The following SORT1 variants were observed in gnomAD, a reference collection of about 807,000 sequenced individuals.
SORT1 encodes the protein sortilin.
A neutral mutation model predicts 101.7 loss-of-function variants in SORT1; 39 were observed. The ratio of observed to expected loss-of-function variants is 0.38; its 90% CI spans 0.30 to 0.50. SORT1 has a LOEUF of 0.50. Among genes scored for constraint, SORT1 ranks in the 20% least tolerant of loss-of-function variants. SORT1 has a pLI of 0.90. For missense variants in SORT1, 878 were observed against 1,040.4 expected (o/e 0.84, Z 2.15); for synonymous variants, 396 against 393.7 (o/e 1.01, Z -0.07).
chr1:109,396,943 A>C (rs1653210497), intron 1 of SORT1, among the ~76,000 whole-genome samples: 1 of 152,240 alleles, frequency 6.6e-6, no homozygotes, highest in African/African-American at 2.4e-5. Flanking sequence ...CTTTTGACCA[A>C]GAGCTGGCTC....
intron 11 of SORT1, among the ~76,000 whole-genome samples, chr1:109,331,917 T>C (rs905344584): frequency 2.7e-5 from 4 of 146,648 alleles, no homozygotes; most frequent in African/African-American, 7.6e-5. Flanking sequence ...GAAAATTTCA[T>C]CTACAATAGT....
At position 109,374,554 on chromosome 1, in the gene SORT1, G is replaced by C. The variant is rs1481241352; in HGVS notation, c.307-4965C>G. Among the ~76,000 whole-genome samples the C allele has an allele frequency of 2.0e-5, 3 of 151,574 alleles. No homozygotes were observed. In the East Asian group the frequency reaches 5.8e-4, roughly 29 times the overall value. ...TGCAGTGAGCAGAGATTGGACCATT[G>C]CACTACAGCTTGGGTGACAAGAAAA... On this transcript the variant is annotated intron_variant, in intron 1 of 19. Coordinates refer to ENST00000256637, the MANE Select transcript of SORT1 (RefSeq NM_002959.7).
intron 14 of SORT1, among the ~76,000 whole-genome samples, chr1:109,324,460 GC>G (rs1647854369): frequency 6.6e-6 from 1 of 152,130 alleles, no homozygotes; most frequent in Admixed American, 6.6e-5. Flanking sequence ...TTAGCATAAT[GC>G]CAGCATCTTT....
intron 1 of SORT1, among the ~76,000 whole-genome samples, chr1:109,377,864 T>C (rs1282076591): frequency 1.3e-5 from 2 of 152,068 alleles, no homozygotes; most frequent in Non-Finnish European, 1.5e-5. Context: ...ACACCACAAA[T>C]AAAATCTATT....
chr1:109,382,721 A>C (rs978790175), intron 1 of SORT1, among the ~76,000 whole-genome samples: 3 of 152,210 alleles, frequency 2.0e-5, no homozygotes, highest in Admixed American at 6.5e-5. Flanking sequence ...AGCAGAAGTA[A>C]CTGGCTGGCA....
At chr1:109,372,864 A>C (rs901880479) in intron 1 of SORT1, among the ~76,000 whole-genome samples, 15 of 149,920 alleles carry the variant, frequency 1.0e-4, no homozygotes, top group African/African-American at 3.0e-4. Context: ...GCGCCACTGC[A>C]CTCCAGCCTG....
chr1:109,323,853 G>C (rs1412320623), intron 14 of SORT1, among the ~76,000 whole-genome samples: 3 of 152,312 alleles, frequency 2.0e-5, no homozygotes, highest in Middle Eastern at 6.8e-3. Context: ...CTGCTGAGGG[G>C]AGAACTCCCA....
intron 1 of SORT1, among the ~76,000 whole-genome samples, chr1:109,378,715 T>TG (rs1652020364): frequency 6.7e-5 from 1 of 15,028 alleles, no homozygotes; most frequent in African/African-American, 2.0e-4. Context: ...TATATATATA[T>TG]ATATATATAT....
At position 109,334,243 on chromosome 1, in the gene SORT1, T is replaced by TA. The variant is rs1280366163; in HGVS notation, c.1371+1996dup. 2.8e-4 allele frequency among the ~76,000 whole-genome samples: 42 copies of TA among 152,208 alleles called. 1 individual carries two copies. The highest frequency in any genetic ancestry group is 2.7e-3 in the Admixed American group (42 of 15,278). On this transcript the variant is annotated intron_variant, in intron 11 of 19. Coordinates refer to ENST00000256637, the MANE Select transcript of SORT1 (RefSeq NM_002959.7). Reference sequence around the variant, plus strand: ...AAATGAAATCGGTATGTCCAAAAGATATCTGTGCTCCCATGTCCACTGCAG... The same window carrying TA: ...AAATGAAATCGGTATGTCCAAAAGATAATCTGTGCTCCCATGTCCACTGCAG...
intron 11 of SORT1, among the ~76,000 whole-genome samples, chr1:109,333,602 A>G (rs906596682): frequency 1.3e-5 from 2 of 152,234 alleles, no homozygotes; most frequent in Non-Finnish European, 2.9e-5. Flanking sequence ...CTGAACAGCC[A>G]TTTATCAAAA....
intron 10 of SORT1, 25 bp downstream of exon 10, chr1:109,340,699 A>G (rs1649155075): frequency 6.2e-7 from 1 of 1,613,284 alleles, no homozygotes; most frequent in Non-Finnish European, 8.5e-7. Context: ...AAGGCACAGT[A>G]CACCACTGCG....
chr1:109,325,055 A>G lies in SORT1; in HGVS notation c.1678T>C (p.Tyr560His). 6.2e-7 allele frequency: 1 copy of G among 1,613,314 alleles called. No homozygotes were observed. The highest frequency in any genetic ancestry group is 8.5e-7 in the Non-Finnish European group (1 of 1,179,442). Residue 560 changes from tyrosine to histidine, a missense_variant, in exon 14 of 20, where the codon TAC becomes CAC. Tyr to His is a moderately conservative substitution (Grantham distance 83). Transcript: ENST00000256637. The stretch of plus-strand genomic sequence containing the variant: ...TAGATGGGGTCCCTGGTGAACGTGT[A>G]GGTTTGCCAGCATTGACCTTCGTCT... ...STDEGQCWQTYTFTRDPIYFT... is the reference protein window; with the variant it reads ...STDEGQCWQTHTFTRDPIYFT...
chr1:109,382,976 C>T (rs1652336753), intron 1 of SORT1, among the ~76,000 whole-genome samples: 1 of 152,152 alleles, frequency 6.6e-6, no homozygotes, highest in Non-Finnish European at 1.5e-5. Flanking sequence ...TCACAAGATT[C>T]TTCATGGAAA....
chr1:109,356,159 A>C (rs1213998546), intron 3 of SORT1, among the ~76,000 whole-genome samples: 1 of 152,238 alleles, frequency 6.6e-6, no homozygotes, highest in Admixed American at 6.5e-5. Context: ...GGCATGAGCC[A>C]CTGTGCCCGG....
At chr1:109,360,464 C>T (rs941359009) in intron 3 of SORT1, among the ~76,000 whole-genome samples, 3 of 151,618 alleles carry the variant, frequency 2.0e-5, no homozygotes, top group Non-Finnish European at 4.4e-5. Flanking sequence ...TCCCAAGTAG[C>T]TAGGACTACA....
In SORT1 at chr1:109,311,109, C is replaced by T. The variant is rs1459466244; in HGVS notation, c.*2934G>A. The T allele has an allele frequency of 6.6e-6, 1 of 152,140 alleles. No individual in the cohort carries two copies. Among genetic ancestry groups the T allele is most frequent in the African/African-American group, 2.4e-5 (1 of 41,422 alleles). 9.4% of individuals were successfully genotyped at this position (152,140 alleles called of 1,614,324 possible). ...CTTTTATTCTTTGAAATAGAGTTGC[C>T]ATTGAATTAAAAGCCTACAGGAGAG... On this transcript the variant is annotated 3_prime_UTR_variant, in exon 20 of 20. Coordinates refer to ENST00000256637, the MANE Select transcript of SORT1 (RefSeq NM_002959.7).
Position 109,323,069 on chromosome 1 carries a change from A to G in SORT1, c.1887T>C (p.Asp629=). Residue 629 remains aspartate, a synonymous_variant, in exon 15 of 20, where the codon GAT becomes GAC. Coordinates refer to ENST00000256637, the MANE Select transcript of SORT1 (RefSeq NM_002959.7). Reference sequence around the variant, plus strand: ...AGCCCAAAATGCAGCCATCTTCATAATCTTCAGGGTCTGTGGAGTGTGCCA... The same window carrying G: ...AGCCCAAAATGCAGCCATCTTCATAGTCTTCAGGGTCTGTGGAGTGTGCCA... ...IWLAHSTDPE[D]YEDGCILGYK... The G allele has an allele frequency of 1.2e-6, 2 of 1,614,164 alleles. No individual in the cohort carries two copies. Among genetic ancestry groups the G allele is most frequent in the Non-Finnish European group, 1.7e-6 (2 of 1,180,002 alleles).
intron 6 of SORT1, among the ~76,000 whole-genome samples, chr1:109,350,028 C>CT (rs1557802262): frequency 6.6e-6 from 1 of 152,152 alleles, no homozygotes; most frequent in Non-Finnish European, 1.5e-5. Flanking sequence ...TGTTTATTCT[C>CT]TAAGTTTTTG....
At chr1:109,315,251 T>C (rs1658962269) in intron 17 of SORT1, among the ~76,000 whole-genome samples, 1 of 152,178 alleles carries the variant, frequency 6.6e-6, no homozygotes, top group Admixed American at 6.5e-5. Flanking sequence ...ATTTTTTATA[T>C]ATTATTATAA....
Sources: allele counts gnomAD v4.1 joint callset (sites outside exome capture counted in the v4.1 genomes callset), GRCh38; gene constraint gnomAD v4.1.1; transcripts MANE v1.5; gene names NCBI Gene and HGNC (gene_info 2026-07-23, HGNC 2026-07-21).